SLC35F4: variants seen among roughly 807,000 people sequenced by gnomAD.
SLC35F4 encodes chromosome 14 open reading frame 36.
Under a neutral mutation model 44.2 loss-of-function variants are expected in SLC35F4, and 24 were observed. That is an observed-to-expected ratio of 0.54 (90% confidence interval 0.39 to 0.76). SLC35F4 has a LOEUF of 0.76. Among genes scored for constraint, SLC35F4 ranks in the 30% least tolerant of loss-of-function variants. The probability of loss-of-function intolerance (pLI) is 0.00; values close to 1 mark genes in which losing one functional copy is unlikely to be tolerated. For synonymous variants in SLC35F4, 238 were observed against 223.6 expected, an observed-to-expected ratio of 1.06 and a Z score of -0.57; for missense variants, 562 against 586.1, an observed-to-expected ratio of 0.96 and a Z score of 0.42.
At position 57,940,745 on chromosome 14, in the gene SLC35F4, A is replaced by T. The variant is rs74538694; in HGVS notation, n.282+41168T>A. On this transcript the variant is annotated intron_variant and non_coding_transcript_variant, in intron 1 of 1. Transcript: ENST00000556568. ...TTCCATCACAAGCAATGCTCCCAGAACTGCCCTTGCATCTGTTCTCCCCCA... is the reference window on the plus strand; with the variant it reads ...TTCCATCACAAGCAATGCTCCCAGATCTGCCCTTGCATCTGTTCTCCCCCA... 5.5e-3 allele frequency among the ~76,000 whole-genome samples: 840 copies of T among 152,224 alleles called. 3 individuals carry two copies. The highest frequency in any genetic ancestry group is 0.019 in the African/African-American group (801 of 41,538).
chr14:57,783,049 G>C (rs1021729503), intron 1 of SLC35F4, among the ~76,000 whole-genome samples: 4 of 152,092 alleles, frequency 2.6e-5, no homozygotes, highest in Non-Finnish European at 2.9e-5. Flanking sequence ...AGCTATACCA[G>C]CAGCCATGAA....
chr14:57,698,115 A>G (rs2075437027), intron 1 of SLC35F4, among the ~76,000 whole-genome samples: 1 of 152,170 alleles, frequency 6.6e-6, no homozygotes, highest in Admixed American at 6.5e-5. Flanking sequence ...GTTAATATAA[A>G]CTACTTAGAA....
intron 1 of SLC35F4, among the ~76,000 whole-genome samples, chr14:57,710,675 T>C (rs2075795941): frequency 6.6e-6 from 1 of 152,188 alleles, no homozygotes; most frequent in Non-Finnish European, 1.5e-5. Flanking sequence ...ATGACCTGGA[T>C]GTGACATGGA....
At chr14:57,970,845 C>T (rs1476937206) in intron 1 of SLC35F4, among the ~76,000 whole-genome samples, 1 of 152,150 alleles carries the variant, frequency 6.6e-6, no homozygotes, top group Non-Finnish European at 1.5e-5. Context: ...CCAAGGTCAA[C>T]CTCTGAGAAT....
intron 1 of SLC35F4, among the ~76,000 whole-genome samples, chr14:57,802,985 C>CAAAAAA (rs59647111): frequency 1.8e-4 from 13 of 71,278 alleles, no homozygotes; most frequent in East Asian, 4.5e-4. Flanking sequence ...GCAGAGATAC[C>CAAAAAA]AAAAAAAAAA....
rs112187099 is a variant in SLC35F4, at chr14:57,586,957, G to GAA, written c.587+2257_587+2258dup. Among the ~76,000 whole-genome samples, 502 of 145,590 alleles carry GAA rather than the reference G, an allele frequency of 3.4e-3. 4 individuals carry two copies. Among genetic ancestry groups the GAA allele is most frequent in the Middle Eastern group, 0.021 (6 of 288 alleles). On this transcript the variant is annotated intron_variant, in intron 3 of 7. Transcript: ENST00000556826. ...ACAAAGAACTTAAACAAATTTACAAGAAAAAAAAACCAACAAACACTTCTC... is the reference window on the plus strand; with the variant it reads ...ACAAAGAACTTAAACAAATTTACAAGAAAAAAAAAAACCAACAAACACTTCTC...
chr14:57,581,197 A>G lies in SLC35F4; in HGVS notation c.807+17T>C, dbSNP rs765401583. 8.0e-6 allele frequency: 12 copies of G among 1,505,722 alleles called. No homozygotes were observed. The highest frequency in any genetic ancestry group is 1.1e-5 in the Non-Finnish European group (12 of 1,128,430). 93.3% of individuals were successfully genotyped at this position (1,505,722 alleles called of 1,614,324 possible). ...GAAAAAGGCAGGCATCGCGCATTGA[A>G]TCAAGTATGCCATTACCCTCACTCC... is the stretch of plus-strand genomic sequence containing the variant. On this transcript the variant is annotated intron_variant, in intron 4 of 7. Transcript: ENST00000556826.
At chr14:57,622,241 AC>A (rs1393971379) in intron 1 of SLC35F4, among the ~76,000 whole-genome samples, 3 of 128,790 alleles carry the variant, frequency 2.3e-5, no homozygotes, top group African/African-American at 9.3e-5. Context: ...TAGTTCAACC[AC>A]TGTGGAAGTC....
intron 1 of SLC35F4, among the ~76,000 whole-genome samples, chr14:57,636,530 A>T (rs1325382914): frequency 6.6e-5 from 10 of 152,132 alleles, no homozygotes; most frequent in African/African-American, 2.2e-4. Flanking sequence ...AAGCTGAAAA[A>T]GCTTGATAAA....
chr14:57,624,051 G>A (rs566504521), intron 1 of SLC35F4, among the ~76,000 whole-genome samples: 10 of 151,642 alleles, frequency 6.6e-5, no homozygotes, highest in Admixed American at 5.3e-4. Context: ...GATGGACACT[G>A]TCCAGACTAA....
At chr14:57,889,894 G>C (rs1888723730) in intron 1 of SLC35F4, among the ~76,000 whole-genome samples, 1 of 152,208 alleles carries the variant, frequency 6.6e-6, no homozygotes, top group African/African-American at 2.4e-5. Context: ...GCCACTACAA[G>C]TGCCAAGCTT....
intron 1 of SLC35F4, among the ~76,000 whole-genome samples, chr14:57,813,140 G>A (rs966340061): frequency 1.3e-5 from 2 of 152,186 alleles, no homozygotes; most frequent in East Asian, 1.9e-4. Flanking sequence ...CAACCCAGCA[G>A]TTAGATCCAG....
intron 1 of SLC35F4, among the ~76,000 whole-genome samples, chr14:57,874,840 C>T (rs1400381657): frequency 6.6e-6 from 1 of 152,158 alleles, no homozygotes; most frequent in East Asian, 1.9e-4. Flanking sequence ...ATCAAGGGTT[C>T]TGTTAAATTT....
Position 57,905,529 on chromosome 14 carries a change from T to A in SLC35F4, n.282+76384A>T, listed in dbSNP as rs967717301. Among the ~76,000 whole-genome samples, 46 of 152,238 alleles carry A rather than the reference T, an allele frequency of 3.0e-4. 1 individual carries two copies. The highest frequency in any genetic ancestry group is 1.8e-4 in the Non-Finnish European group (12 of 68,046). On this transcript the variant is annotated intron_variant and non_coding_transcript_variant, in intron 1 of 1. Transcript: ENST00000556568. ...GTCCTCTGGCACTTAGCAGATTACATTCTGCCTGTAACAGTGTTTGAGTTG... is the reference window on the plus strand; with the variant it reads ...GTCCTCTGGCACTTAGCAGATTACAATCTGCCTGTAACAGTGTTTGAGTTG...
At chr14:57,795,971 G>A (rs1207061002) in intron 1 of SLC35F4, among the ~76,000 whole-genome samples, 2 of 151,986 alleles carry the variant, frequency 1.3e-5, no homozygotes, top group East Asian at 3.9e-4. Context: ...CCTCAAGTAG[G>A]CCTCAGTGTC....
chr14:57,930,483 G>T lies in SLC35F4; in HGVS notation n.282+51430C>A, dbSNP rs148472322. On this transcript the variant is annotated intron_variant and non_coding_transcript_variant, in intron 1 of 1. Coordinates refer to the SLC35F4 transcript ENST00000556568. ...AACACCAGGCATCATCCAGATTTTTGATTCATCACTCACTTCTCTGCCCTA... is the reference window on the plus strand; with the variant it reads ...AACACCAGGCATCATCCAGATTTTTTATTCATCACTCACTTCTCTGCCCTA... Among the ~76,000 whole-genome samples the T allele has an allele frequency of 1.3e-3, 199 of 152,156 alleles. 2 individuals carry two copies. Among genetic ancestry groups the T allele is most frequent in the Middle Eastern group, 0.01 (3 of 294 alleles).
At chr14:57,573,449 C>A (rs113444276) in intron 4 of SLC35F4, among the ~76,000 whole-genome samples, 16 of 151,950 alleles carry the variant, frequency 1.1e-4, no homozygotes, top group Admixed American at 1.0e-3. Flanking sequence ...CTGAAGCTGC[C>A]GGGTGTGTGT....
chr14:57,945,152 T>C (rs556023827), intron 1 of SLC35F4, among the ~76,000 whole-genome samples: 1 of 152,310 alleles, frequency 6.6e-6, no homozygotes, highest in South Asian at 2.1e-4. Context: ...TACCATTTTC[T>C]TTTAAAGAGC....
At chr14:57,766,986 G>T (rs565810509) in intron 1 of SLC35F4, among the ~76,000 whole-genome samples, 3 of 152,220 alleles carry the variant, frequency 2.0e-5, no homozygotes, top group Non-Finnish European at 4.4e-5. Flanking sequence ...AAGTGAATGA[G>T]AAAAAGAGGC....
Sources: gnomAD v4.1 joint callset for allele counts (sites outside exome capture counted in the v4.1 genomes callset) on GRCh38, gnomAD v4.1.1 for gene constraint, MANE v1.5 for transcripts, NCBI Gene and HGNC (gene_info 2026-07-23, HGNC 2026-07-21) for gene names.